CNBD1: variants seen among roughly 807,000 people sequenced by gnomAD.
CNBD1 encodes cyclic nucleotide-binding domain-containing protein 1.
CNBD1 carries 71 observed loss-of-function variants against 54.4 expected under a neutral mutation model. The observed-to-expected ratio is 1.30, with a 90% CI of 1.08 to 1.59. The LOEUF (loss-of-function observed/expected upper bound fraction) is 1.59. CNBD1 is among the 40% of genes most tolerant of loss of function. The probability of loss-of-function intolerance (pLI) is 0.00; values close to 1 mark genes in which losing one functional copy is unlikely to be tolerated. For missense variants in CNBD1, 659 were observed against 518.0 expected, an observed-to-expected ratio of 1.27 and a Z score of -2.64; for synonymous variants, 182 against 170.7, an observed-to-expected ratio of 1.07 and a Z score of -0.51.
At chr8:87,260,604 C>A (rs898129531) in intron 6 of CNBD1, among the ~76,000 whole-genome samples, 2 of 152,120 alleles carry the variant, frequency 1.3e-5, no homozygotes, top group African/African-American at 4.8e-5. Context: ...AGCCAGAAAT[C>A]TGACTGGTAA....
chr8:87,115,934 A>G (rs941053291), intron 4 of CNBD1, among the ~76,000 whole-genome samples: 2 of 152,072 alleles, frequency 1.3e-5, no homozygotes, highest in Admixed American at 6.6e-5. Context: ...CATCATTACA[A>G]ATACCTTCAA....
chr8:87,171,260 C>T (rs1813079245), intron 4 of CNBD1, among the ~76,000 whole-genome samples: 1 of 151,974 alleles, frequency 6.6e-6, no homozygotes, highest in Non-Finnish European at 1.5e-5. Flanking sequence ...GGTTGTGTGT[C>T]TCTAGGAATT....
At chr8:87,377,274 A>G (rs1297256067) in intron 10 of CNBD1, among the ~76,000 whole-genome samples, 2 of 150,906 alleles carry the variant, frequency 1.3e-5, no homozygotes, top group African/African-American at 4.9e-5. Flanking sequence ...CTAGCATTAG[A>G]TATATCTCCC....
intron 6 of CNBD1, among the ~76,000 whole-genome samples, chr8:87,275,806 T>A (rs1193479378): frequency 7.3e-5 from 11 of 150,566 alleles, no homozygotes; most frequent in Admixed American, 2.0e-4. Context: ...GATGACATGA[T>A]TGTATATCTA....
intron 5 of CNBD1, among the ~76,000 whole-genome samples, chr8:87,231,142 T>C (rs1814680819): frequency 6.6e-6 from 1 of 152,240 alleles, no homozygotes; most frequent in South Asian, 2.1e-4. Context: ...TCTAGACTTG[T>C]TTTTGTATTA....
chr8:87,343,041 A>AC (rs1356754665), intron 8 of CNBD1, among the ~76,000 whole-genome samples: 1 of 151,932 alleles, frequency 6.6e-6, no homozygotes, highest in African/African-American at 2.4e-5. Flanking sequence ...CTATAGACCT[A>AC]CCCCCAGGAA....
At chr8:87,277,737 C>T (rs1035000274) in intron 6 of CNBD1, among the ~76,000 whole-genome samples, 14 of 151,696 alleles carry the variant, frequency 9.2e-5, no homozygotes, top group African/African-American at 3.1e-4. Flanking sequence ...TGCTCCTATA[C>T]TAATTGACTG....
intron 8 of CNBD1, among the ~76,000 whole-genome samples, chr8:87,331,287 C>T (rs1809824323): frequency 6.6e-6 from 1 of 152,074 alleles, no homozygotes; most frequent in South Asian, 2.1e-4. Flanking sequence ...TGTTCAGCTC[C>T]CACTTATGAG....
chr8:86,931,000 A>G (rs561206841), intron 3 of CNBD1, among the ~76,000 whole-genome samples: 1 of 152,314 alleles, frequency 6.6e-6, no homozygotes, highest in South Asian at 2.1e-4. Context: ...GGGGACAACA[A>G]ATGGGTAACT....
chr8:86,968,951 G>A (rs1189024098), intron 4 of CNBD1, among the ~76,000 whole-genome samples: 2 of 152,156 alleles, frequency 1.3e-5, no homozygotes, highest in Non-Finnish European at 2.9e-5. Context: ...AACTGTTTGA[G>A]GGTAGAGATC....
intron 5 of CNBD1, among the ~76,000 whole-genome samples, chr8:87,228,069 C>A (rs1054360795): frequency 2.6e-5 from 4 of 151,796 alleles, no homozygotes; most frequent in Admixed American, 1.3e-4. Context: ...CCGTAGTTCT[C>A]GAGCCTTGGT....
At chr8:87,007,881 AG>A (rs201721086) in intron 4 of CNBD1, among the ~76,000 whole-genome samples, 1,628 of 152,292 alleles carry the variant, frequency 0.011, 30 homozygotes, top group African/African-American at 0.037. Flanking sequence ...TGTCCTTTAT[AG>A]GACATTGCTC....
At chr8:86,997,802 C>G (rs1106289) in intron 4 of CNBD1, among the ~76,000 whole-genome samples, 61,865 of 151,772 alleles carry the variant, frequency 0.41, 12,998 homozygotes, top group East Asian at 0.52. Flanking sequence ...TCAGACCCAG[C>G]GGGTGGCTGT....
At chr8:86,899,107 T>C (rs528703948) in intron 2 of CNBD1, among the ~76,000 whole-genome samples, 3 of 134,714 alleles carry the variant, frequency 2.2e-5, no homozygotes, top group Non-Finnish European at 4.8e-5. Context: ...ATCCCACTTA[T>C]ATGTGAAATT....
rs929716219 is a variant in CNBD1, at chr8:86,872,686, T to C, written c.88+6103T>C. Among the ~76,000 whole-genome samples the C allele has an allele frequency of 3.3e-5, 5 of 152,192 alleles. 1 individual carries two copies. The highest frequency in any genetic ancestry group is 4.1e-4 in the South Asian group (2 of 4,834). On this transcript the variant is annotated intron_variant, in intron 1 of 10. Transcript: ENST00000518476. ...TGTATTTCCCTGATGATTAGAGATA[T>C]TGACTTTTTTTTGTTGGCCATTCAT...
At chr8:87,075,222 T>C (rs981443041) in intron 4 of CNBD1, among the ~76,000 whole-genome samples, 16 of 152,224 alleles carry the variant, frequency 1.1e-4, no homozygotes, top group African/African-American at 3.6e-4. Flanking sequence ...AGGTAAATCA[T>C]ATAGGATGCC....
chr8:86,950,278 C>A (rs1240947729), intron 4 of CNBD1, among the ~76,000 whole-genome samples: 1 of 151,924 alleles, frequency 6.6e-6, no homozygotes. Flanking sequence ...ACCATTTGGC[C>A]AGGCTGGTCT....
chr8:86,993,684 G>T (rs1309213857), intron 4 of CNBD1, among the ~76,000 whole-genome samples: 1 of 152,162 alleles, frequency 6.6e-6, no homozygotes, highest in African/African-American at 2.4e-5. Flanking sequence ...ATTTGTGGCT[G>T]GATTCTAGCC....
chr8:87,237,368 G>T lies in CNBD1; in HGVS notation c.771+256G>T, dbSNP rs140565590. 237 of 288,136 alleles carry T rather than the reference G, an allele frequency of 8.2e-4. 3 individuals carry two copies. The East Asian group carries it at 0.014, about 17-fold the overall frequency. The allele number at this position is 288,136 out of a possible 1,614,324, so 17.8% of individuals were successfully genotyped here. On this transcript the variant is annotated intron_variant, in intron 6 of 10. Transcript: ENST00000518476. The stretch of plus-strand genomic sequence containing the variant: ...GGTAACAGACAAGGTTGATGTGGCT[G>T]GATCCCTGAAAGAAGGATAATAGTA...
Sources: gnomAD v4.1 joint callset for allele counts (sites outside exome capture counted in the v4.1 genomes callset) on GRCh38, gnomAD v4.1.1 for gene constraint, MANE v1.5 for transcripts, NCBI Gene and HGNC (gene_info 2026-07-23, HGNC 2026-07-21) for gene names.